The following ROCK2 variants were observed in gnomAD, a reference collection of about 807,000 sequenced individuals.
The protein encoded by ROCK2 is Rho associated coiled-coil containing protein kinase 2, also known as rho-associated protein kinase 2.
Under a neutral mutation model 195.1 loss-of-function variants are expected in ROCK2, and 61 were observed. The observed-to-expected ratio is 0.31, with a 90% confidence interval of 0.25 to 0.39. The LOEUF is 0.39. Ranked by LOEUF, ROCK2 falls within the 10% of genes least tolerant of loss-of-function variation. ROCK2 has a pLI of 1.00. For synonymous variants in ROCK2, 504 were observed against 545.5 expected (o/e 0.92, Z 1.06); for missense variants, 1,109 against 1,637.4 (o/e 0.68, Z 5.57).
chr2:11,200,443 T>C (rs556934236), intron 23 of ROCK2, among the ~76,000 whole-genome samples: 1 of 152,340 alleles, frequency 6.6e-6, no homozygotes, highest in African/African-American at 2.4e-5. Flanking sequence ...GTGATTTGTG[T>C]ACTGCCACTC....
intron 1 of ROCK2, among the ~76,000 whole-genome samples, chr2:11,310,989 T>A (rs1668016296): frequency 6.6e-6 from 1 of 151,568 alleles, no homozygotes. Context: ...ACAGCCTGCA[T>A]CCTAGATTTC....
intron 3 of ROCK2, among the ~76,000 whole-genome samples, chr2:11,254,743 A>AAAG (rs1265767638): frequency 6.7e-6 from 1 of 149,660 alleles, no homozygotes; most frequent in Non-Finnish European, 1.5e-5. Flanking sequence ...AAAAAAAAAA[A>AAAG]AAAAAAAAAA....
Position 11,344,398 on chromosome 2 carries a change from T to G in ROCK2, c.-262A>C, listed in dbSNP as rs1669218571. On this transcript the variant is annotated 5_prime_UTR_variant, in exon 1 of 33. Coordinates refer to ENST00000315872, the MANE Select transcript of ROCK2 (RefSeq NM_004850.5). The surrounding 1 kb of genome is among the most constrained non-coding windows in gnomAD (Gnocchi z 5.4). Reference sequence around the variant, plus strand: ...ACGGCGTCCCCGCCCCTCAGTCAGATTCGCGCCGCCGGTCCGCTGGTCCTC... The same window carrying G: ...ACGGCGTCCCCGCCCCTCAGTCAGAGTCGCGCCGCCGGTCCGCTGGTCCTC... 4.5e-6 allele frequency: 5 copies of G among 1,101,918 alleles called. No homozygotes were observed. In the East Asian group the frequency reaches 1.5e-4, roughly 34 times the overall value. 68.3% of individuals were successfully genotyped at this position (1,101,918 alleles called of 1,614,324 possible).
chr2:11,231,172 C>T (rs1278350622), intron 5 of ROCK2, among the ~76,000 whole-genome samples: 2 of 151,120 alleles, frequency 1.3e-5, no homozygotes, highest in African/African-American at 4.9e-5. Context: ...GGATAAAAAT[C>T]GTCTTCAGGT....
intron 3 of ROCK2, among the ~76,000 whole-genome samples, chr2:11,272,612 G>A (rs963324000): frequency 2.6e-5 from 4 of 152,238 alleles, no homozygotes; most frequent in Non-Finnish European, 4.4e-5. Flanking sequence ...GGCTGCAGTG[G>A]TTCACGCCTA....
intron 18 of ROCK2, among the ~76,000 whole-genome samples, chr2:11,209,955 A>T (rs930580193): frequency 5.3e-5 from 8 of 152,246 alleles, no homozygotes; most frequent in Non-Finnish European, 1.2e-4. Context: ...CCTTCACAGG[A>T]AACAAGACAC....
intron 1 of ROCK2, among the ~76,000 whole-genome samples, chr2:11,302,834 C>A (rs1667748603): frequency 6.6e-6 from 1 of 152,128 alleles, no homozygotes; most frequent in African/African-American, 2.4e-5. Context: ...TTAATTTCAT[C>A]TGTTTCCCTC....
intron 1 of ROCK2, among the ~76,000 whole-genome samples, chr2:11,296,987 C>T (rs1667555435): frequency 6.6e-6 from 1 of 151,976 alleles, no homozygotes; most frequent in African/African-American, 2.4e-5. Flanking sequence ...TTATTTAAGA[C>T]AGTTAAAATC....
At position 11,227,333 on chromosome 2, in the gene ROCK2, T is replaced by C. The variant is rs1188610166; in HGVS notation, c.789A>G (p.Lys263=). 1 of 1,614,010 alleles carries C rather than the reference T, an allele frequency of 6.2e-7. No individual in the cohort carries two copies. The highest frequency in any genetic ancestry group is 1.1e-5 in the South Asian group (1 of 91,082). The change falls in exon 6 of 33, where the codon AAA becomes AAG. Residue 263 remains lysine (K), a synonymous_variant. Coordinates refer to ENST00000315872, the MANE Select transcript of ROCK2 (RefSeq NM_004850.5). ...TPDYISPEVL[K]SQGGDGFYGR... is the part of the protein sequence containing the mutation. ...CATAGAAACCATCACCCCCTTGTGA[T>C]TTCAGAACCTCAGGTGATATATAAT...
Position 11,314,291 on chromosome 2 carries a change from T to C in ROCK2, c.142-26555A>G, listed in dbSNP as rs115372898. ...GTTTTCTAATTTGCTGCTCTCTTTA[T>C]ACCAATTTTGACTGACATACGTCCT... is the stretch of plus-strand genomic sequence containing the variant. On this transcript the variant is annotated intron_variant, in intron 1 of 32. Transcript: ENST00000315872. 2.0e-3 allele frequency among the ~76,000 whole-genome samples: 290 copies of C among 148,350 alleles called. 1 individual carries two copies. The highest frequency in any genetic ancestry group is 6.7e-3 in the African/African-American group (277 of 41,304).
intron 12 of ROCK2, among the ~76,000 whole-genome samples, chr2:11,216,481 G>A (rs1023719428): frequency 4.7e-5 from 7 of 149,496 alleles, no homozygotes; most frequent in African/African-American, 1.5e-4. Context: ...CACCGCACCC[G>A]GCCGTAGCTC....
chr2:11,270,354 T>A (rs1020075639), intron 3 of ROCK2, among the ~76,000 whole-genome samples: 18 of 152,222 alleles, frequency 1.2e-4, no homozygotes, highest in Admixed American at 9.2e-4. Flanking sequence ...AAGACATTTA[T>A]TCTGCTTTCT....
At chr2:11,335,927 T>G (rs1298628238) in intron 1 of ROCK2, among the ~76,000 whole-genome samples, 4 of 152,188 alleles carry the variant, frequency 2.6e-5, no homozygotes, top group Non-Finnish European at 5.9e-5. Context: ...GATTGATAAT[T>G]GTGACTATAT....
chr2:11,331,858 G>A (rs571365430), intron 1 of ROCK2, among the ~76,000 whole-genome samples: 35 of 152,212 alleles, frequency 2.3e-4, no homozygotes, highest in East Asian at 5.8e-4. Context: ...CCTGGGAGGC[G>A]GAAGTTGCAG....
At chr2:11,343,726 G>A (rs946818827) in intron 1 of ROCK2, among the ~76,000 whole-genome samples, 9 of 152,202 alleles carry the variant, frequency 5.9e-5, no homozygotes, top group Admixed American at 1.3e-4. Context: ...GGAAGGAGAA[G>A]AGGGGTGTTT....
At chr2:11,207,068 A>G (rs73917508) in intron 20 of ROCK2, among the ~76,000 whole-genome samples, 3,865 of 152,272 alleles carry the variant, frequency 0.025, 70 homozygotes, top group East Asian at 0.052. Context: ...ACAAATTTTA[A>G]TAGTATATTT....
intron 1 of ROCK2, among the ~76,000 whole-genome samples, chr2:11,326,653 G>T (rs1305296693): frequency 6.6e-6 from 1 of 152,066 alleles, no homozygotes; most frequent in Non-Finnish European, 1.5e-5. Context: ...GTTGTTTTAT[G>T]AACATGTTTA....
chr2:11,266,231 T>A (rs1264700828), intron 3 of ROCK2, among the ~76,000 whole-genome samples: 1 of 152,214 alleles, frequency 6.6e-6, no homozygotes, highest in Non-Finnish European at 1.5e-5. Context: ...AGGTGTCACT[T>A]TTTTCAGAAA....
chr2:11,219,619 T>C (rs1034882910), intron 9 of ROCK2, among the ~76,000 whole-genome samples: 7 of 152,122 alleles, frequency 4.6e-5, no homozygotes, highest in Non-Finnish European at 5.9e-5. Flanking sequence ...AATGAAACTA[T>C]ACTTCCCACC....
Sources: gnomAD v4.1 joint callset for allele counts (sites outside exome capture counted in the v4.1 genomes callset) on GRCh38, gnomAD v4.1.1 for gene constraint, Gnocchi (gnomAD v3.1) non-coding constraint, MANE v1.5 for transcripts, NCBI Gene and HGNC (gene_info 2026-07-23, HGNC 2026-07-21) for gene names.